The following PRKAG2 variants were observed in gnomAD, a reference collection of about 807,000 sequenced individuals.
PRKAG2 encodes protein kinase AMP-activated non-catalytic subunit gamma 2.
PRKAG2 carries 26 observed loss-of-function variants against 69.6 expected under a neutral mutation model. The observed-to-expected ratio is 0.37, with a 90% CI of 0.27 to 0.52. The LOEUF (loss-of-function observed/expected upper bound fraction) is 0.52, where lower values mean the gene tolerates loss of function less well. Among genes scored for constraint, PRKAG2 ranks in the 20% least tolerant of loss-of-function variants. PRKAG2 has a pLI of 0.90. For synonymous variants in PRKAG2, 293 were observed against 285.0 expected (o/e 1.03, Z -0.28); for missense variants, 557 against 740.0 (o/e 0.75, Z 2.87).
intron 3 of PRKAG2, among the ~76,000 whole-genome samples, chr7:151,713,731 C>T (rs1287747103): frequency 6.6e-6 from 1 of 151,942 alleles, no homozygotes; most frequent in Non-Finnish European, 1.5e-5. Context: ...AGGTGCAGGC[C>T]ACCACACCCA....
intron 7 of PRKAG2, among the ~76,000 whole-genome samples, chr7:151,575,907 A>G (rs572087039): frequency 1.3e-5 from 2 of 151,370 alleles, no homozygotes; most frequent in South Asian, 2.1e-4. Context: ...AAAAAAAAAA[A>G]AAAAAAGAAA....
chr7:151,863,422 G>T (rs1415836554), intron 1 of PRKAG2, among the ~76,000 whole-genome samples: 1 of 152,122 alleles, frequency 6.6e-6, no homozygotes, highest in Non-Finnish European at 1.5e-5. Flanking sequence ...GGTCATCCCA[G>T]TTCCAGAATG....
intron 5 of PRKAG2, among the ~76,000 whole-genome samples, chr7:151,599,308 T>G (rs952029937): frequency 3.3e-5 from 5 of 152,164 alleles, no homozygotes; most frequent in Non-Finnish European, 7.3e-5. Flanking sequence ...CACAATGCCT[T>G]GATTTTGCAC....
At chr7:151,744,993 TCA>T (rs1337427780) in intron 3 of PRKAG2, among the ~76,000 whole-genome samples, 1 of 152,178 alleles carries the variant, frequency 6.6e-6, no homozygotes, top group Non-Finnish European at 1.5e-5. Context: ...TCAGAGGTGC[TCA>T]GTGATTTGCC....
At chr7:151,647,303 G>A (rs1306822504) in intron 4 of PRKAG2, among the ~76,000 whole-genome samples, 1 of 152,134 alleles carries the variant, frequency 6.6e-6, no homozygotes, top group Non-Finnish European at 1.5e-5. Flanking sequence ...AGTTTGAGTT[G>A]GAATTCTCTG....
At chr7:151,622,314 C>G (rs1348286008) in intron 5 of PRKAG2, among the ~76,000 whole-genome samples, 1 of 152,224 alleles carries the variant, frequency 6.6e-6, no homozygotes, top group Non-Finnish European at 1.5e-5. Flanking sequence ...ATGTGTGCAC[C>G]TCTTTGGGGT....
At chr7:151,851,683 C>G (rs1042775095) in intron 1 of PRKAG2, among the ~76,000 whole-genome samples, 23 of 152,282 alleles carry the variant, frequency 1.5e-4, no homozygotes, top group African/African-American at 5.3e-4. Context: ...TCCTGGGGCC[C>G]CACTCTGCAT....
intron 1 of PRKAG2, among the ~76,000 whole-genome samples, chr7:151,821,689 G>T (rs2078785136): frequency 6.6e-6 from 1 of 152,110 alleles, no homozygotes; most frequent in Admixed American, 6.5e-5. Flanking sequence ...CTCGTCCTGA[G>T]CACACCATGA....
rs570169692 is a variant in PRKAG2, at chr7:151,774,945, G to A, written c.466+6207C>T. 1.4e-3 allele frequency among the ~76,000 whole-genome samples: 220 copies of A among 152,348 alleles called. 1 individual carries two copies. Among genetic ancestry groups the A allele is most frequent in the Non-Finnish European group, 1.9e-3 (126 of 68,034 alleles). On this transcript the variant is annotated intron_variant, in intron 3 of 15. Coordinates refer to ENST00000287878, the MANE Select transcript of PRKAG2 (RefSeq NM_016203.4). ...AAATTATAGGACAGAAAGATGAGAT[G>A]CAAATAGAACATGAGGAGAAGTGGG...
chr7:151,848,034 A>T (rs2079476112), intron 1 of PRKAG2, among the ~76,000 whole-genome samples: 1 of 152,202 alleles, frequency 6.6e-6, no homozygotes, highest in Non-Finnish European at 1.5e-5. Flanking sequence ...AGCGGCTTTT[A>T]AACTACGCCA....
chr7:151,806,302 T>C (rs2078098410), intron 1 of PRKAG2, among the ~76,000 whole-genome samples: 1 of 152,224 alleles, frequency 6.6e-6, no homozygotes, highest in Non-Finnish European at 1.5e-5. Context: ...AACTTCCTCA[T>C]TTATTATTAA....
intron 14 of PRKAG2, among the ~76,000 whole-genome samples, chr7:151,561,453 C>T (rs1009969427): frequency 1.3e-5 from 2 of 152,190 alleles, no homozygotes; most frequent in African/African-American, 4.8e-5. Flanking sequence ...TGTCTTTTCT[C>T]TGTGAAGTTC....
At chr7:151,600,584 T>G (rs1214138107) in intron 5 of PRKAG2, among the ~76,000 whole-genome samples, 1 of 152,232 alleles carries the variant, frequency 6.6e-6, no homozygotes, top group African/African-American at 2.4e-5. Flanking sequence ...GTCTCCCTCC[T>G]GATGTGGAAT....
chr7:151,708,270 T>A (rs1838959547), intron 3 of PRKAG2, among the ~76,000 whole-genome samples: 1 of 152,058 alleles, frequency 6.6e-6, no homozygotes, highest in Admixed American at 6.5e-5. Flanking sequence ...TTTTTTGGCT[T>A]ACTAGACTCT....
chr7:151,729,904 T>C (rs1056288765), intron 3 of PRKAG2, among the ~76,000 whole-genome samples: 2 of 152,146 alleles, frequency 1.3e-5, no homozygotes, highest in Non-Finnish European at 2.9e-5. Flanking sequence ...GAAAATACGT[T>C]TGCCATCGAA....
intron 1 of PRKAG2, among the ~76,000 whole-genome samples, chr7:151,791,729 C>T (rs908247097): frequency 5.9e-5 from 9 of 152,186 alleles, no homozygotes; most frequent in African/African-American, 2.2e-4. Context: ...GTAAGCTGAC[C>T]TTAAAAGCAA....
intron 3 of PRKAG2, among the ~76,000 whole-genome samples, chr7:151,743,653 G>A (rs553720167): frequency 2.0e-5 from 3 of 152,272 alleles, no homozygotes; most frequent in East Asian, 1.9e-4. Flanking sequence ...TATCTCACCC[G>A]CAGAAGAAAG....
chr7:151,747,030 G>A (rs1041463613), intron 3 of PRKAG2, among the ~76,000 whole-genome samples: 8 of 152,306 alleles, frequency 5.3e-5, no homozygotes, highest in East Asian at 3.9e-4. Context: ...GTGATGGGGC[G>A]GGGGAGAGGG....
intron 1 of PRKAG2, among the ~76,000 whole-genome samples, chr7:151,799,253 C>T (rs1410833239): frequency 6.6e-6 from 1 of 152,206 alleles, no homozygotes; most frequent in Non-Finnish European, 1.5e-5. Flanking sequence ...AGAGCCGTGA[C>T]TCAGCCAGAA....
Sources: allele counts gnomAD v4.1 joint callset (sites outside exome capture counted in the v4.1 genomes callset), GRCh38; gene constraint gnomAD v4.1.1; transcripts MANE v1.5; gene names NCBI Gene and HGNC (gene_info 2026-07-23, HGNC 2026-07-21).